Variants in PYY observed in about 807,000 individuals in gnomAD.
PYY encodes the protein peptide tyrosine tyrosine.
Under a neutral mutation model 10.3 loss-of-function variants are expected in PYY, and 12 were observed. The observed-to-expected ratio is 1.17, with a 90% CI of 0.75 to 1.89. The LOEUF (loss-of-function observed/expected upper bound fraction) is 1.89, where lower values mean the gene tolerates loss of function less well. PYY is among the 40% of genes most tolerant of loss of function. The probability of loss-of-function intolerance (pLI) is 0.00; values close to 1 mark genes in which losing one functional copy is unlikely to be tolerated. For missense variants in PYY, 141 were observed against 134.0 expected (o/e 1.05, Z -0.26); for synonymous variants, 66 against 62.0 (o/e 1.06, Z -0.30).
In PYY at chr17:43,992,576, G is replaced by A. The variant is rs144023529; in HGVS notation, c.-463+11815C>T. Among the ~76,000 whole-genome samples the A allele has an allele frequency of 1.3e-3, 193 of 152,130 alleles. 2 individuals are homozygous for A. Among genetic ancestry groups the A allele is most frequent in the Non-Finnish European group, 1.8e-3 (122 of 68,000 alleles). On this transcript the variant is annotated intron_variant, in intron 1 of 6. Coordinates refer to the PYY transcript ENST00000360085. ...TACAAAATTAGCCGGGTGTGGTGGT[G>A]CATGCCTGTAATTCCAGCTACTCGG...
At chr17:43,961,989 C>T (rs9892006) in intron 2 of PYY, among the ~76,000 whole-genome samples, 2,037 of 152,242 alleles carry the variant, frequency 0.013, 45 homozygotes, top group African/African-American at 0.047. Flanking sequence ...CCCTACCTCA[C>T]GCATCTTTTC....
intron 2 of PYY, among the ~76,000 whole-genome samples, chr17:43,964,618 C>T (rs1260848528): frequency 6.6e-6 from 1 of 152,130 alleles, no homozygotes; most frequent in Admixed American, 6.5e-5. Flanking sequence ...GGCATGGTGG[C>T]GCATGCCTGT....
At chr17:43,981,880 CT>C (rs74775150) in intron 1 of PYY, among the ~76,000 whole-genome samples, 19,281 of 152,126 alleles carry the variant, frequency 0.13, 2,245 homozygotes, top group East Asian at 0.61. Flanking sequence ...TCCACCTTTT[CT>C]TTTTAATTTG....
At chr17:43,969,286 C>T (rs924393241) in intron 1 of PYY, among the ~76,000 whole-genome samples, 8 of 151,810 alleles carry the variant, frequency 5.3e-5, no homozygotes, top group African/African-American at 1.2e-4. Flanking sequence ...GAGGCCGAGG[C>T]GGGTGGATCA....
chr17:43,986,530 G>A (rs1240418214), intron 1 of PYY, among the ~76,000 whole-genome samples: 6 of 152,158 alleles, frequency 3.9e-5, no homozygotes, highest in African/African-American at 7.2e-5. Context: ...CACCAGACAA[G>A]CCTGAACTGA....
chr17:43,956,418 A>ACCCC (rs3080280), upstream of PYY, among the ~76,000 whole-genome samples: 7 of 150,278 alleles, frequency 4.7e-5, no homozygotes, highest in African/African-American at 1.7e-4. Flanking sequence ...GGGCTCAGCC[A>ACCCC]CCCCCCGATC....
At chr17:43,997,396 C>T (rs2048998512) in intron 1 of PYY, among the ~76,000 whole-genome samples, 1 of 152,002 alleles carries the variant, frequency 6.6e-6, no homozygotes, top group Non-Finnish European at 1.5e-5. Flanking sequence ...TGGAGGTTAC[C>T]ATGGGGATAC....
intron 1 of PYY, among the ~76,000 whole-genome samples, chr17:43,969,837 G>T (rs1191105279): frequency 1.3e-5 from 2 of 151,294 alleles, no homozygotes; most frequent in Non-Finnish European, 2.9e-5. Flanking sequence ...TCTGCCTCCT[G>T]GGTTCAAGCA....
upstream of PYY, among the ~76,000 whole-genome samples, chr17:43,954,259 G>C (rs2048657733): frequency 6.6e-6 from 1 of 152,206 alleles, no homozygotes. Flanking sequence ...GCAGCCCCTA[G>C]GACCAGGGTT....
At chr17:43,999,788 G>T (rs1463128813) in intron 1 of PYY, among the ~76,000 whole-genome samples, 1 of 149,872 alleles carries the variant, frequency 6.7e-6, no homozygotes, top group Non-Finnish European at 1.5e-5. Context: ...AAAAAGAAAA[G>T]AAGTTTTGTT....
At chr17:43,971,955 T>C (rs2048796685) in intron 1 of PYY, among the ~76,000 whole-genome samples, 1 of 151,930 alleles carries the variant, frequency 6.6e-6, no homozygotes, top group African/African-American at 2.4e-5. Flanking sequence ...ATGAAGATTT[T>C]CCCCTACTTT....
At position 43,953,126 on chromosome 17, in the gene PYY, G is replaced by C; in HGVS notation, c.252C>G (p.Asp84Glu). Residue 84 changes from aspartate to glutamate, a missense_variant, in exon 3 of 4, where the codon GAC (aspartate) becomes GAG (glutamate). Asp to Glu is a conservative substitution (Grantham distance 45). Transcript: ENST00000692052. ...LSKTFFPDGEDRPVRSRSEGP... is the reference protein window; with the variant it reads ...LSKTFFPDGEERPVRSRSEGP... Reference sequence around the variant, plus strand: ...GCTTTTACCGCGACCTGACGGGGCGGTCCTCGCCGTCGGGGAAGAACGTTT... The same window carrying C: ...GCTTTTACCGCGACCTGACGGGGCGCTCCTCGCCGTCGGGGAAGAACGTTT... 1.2e-6 allele frequency: 2 copies of C among 1,613,986 alleles called. No homozygotes were observed. The highest frequency in any genetic ancestry group is 2.2e-5 in the South Asian group (2 of 91,072).
chr17:43,957,803 A>G (rs1442432088), upstream of PYY: 1 of 154,136 alleles, frequency 6.5e-6, no homozygotes, highest in Non-Finnish European at 1.5e-5. Flanking sequence ...ACTTGAGCCC[A>G]GGAAGGAAGT....
At chr17:43,955,249 C>T (rs998665960), upstream of PYY, among the ~76,000 whole-genome samples, 2 of 152,214 alleles carry the variant, frequency 1.3e-5, no homozygotes, top group Non-Finnish European at 2.9e-5. Context: ...TTCCAGCTTC[C>T]TCTCCCTGGC....
At chr17:43,969,041 G>A (rs182150034) in intron 1 of PYY, among the ~76,000 whole-genome samples, 1 of 152,264 alleles carries the variant, frequency 6.6e-6, no homozygotes, top group African/African-American at 2.4e-5. Context: ...CTGGGAGGCA[G>A]AGGCTGCAGT....
At chr17:43,979,107 T>C (rs2048867117) in intron 1 of PYY, among the ~76,000 whole-genome samples, 1 of 152,172 alleles carries the variant, frequency 6.6e-6, no homozygotes, top group African/African-American at 2.4e-5. Flanking sequence ...TCTAGGCTTT[T>C]TACACGAGGG....
chr17:43,960,021 C>T (rs1264863739), intron 2 of PYY, among the ~76,000 whole-genome samples: 1 of 152,224 alleles, frequency 6.6e-6, no homozygotes, highest in East Asian at 1.9e-4. Context: ...CATGTGTGTG[C>T]TCCTAGGTTA....
rs916286809 is a variant in PYY at position 43,987,754 on chromosome 17, A to G, written c.-463+16637T>C. Among the ~76,000 whole-genome samples, 4 of 152,254 alleles carry G rather than the reference A, an allele frequency of 2.6e-5. No homozygotes were observed. Among genetic ancestry groups the G allele is most frequent in the African/African-American group, 9.6e-5 (4 of 41,458 alleles). On this transcript the variant is annotated intron_variant, in intron 1 of 6. Transcript: ENST00000360085. This position sits in a 1 kb window ranked among gnomAD's most constrained non-coding sequence, Gnocchi z 4.0. ...CAGTGCCTGTTGTTCTGAGCAAAAC[A>G]GACATGGCATGTGCCCTCTAAGAGC...
chr17:43,996,315 C>G (rs1370813949), intron 1 of PYY, among the ~76,000 whole-genome samples: 2 of 152,112 alleles, frequency 1.3e-5, no homozygotes, highest in Non-Finnish European at 2.9e-5. Flanking sequence ...TGGACCCAGG[C>G]CCCACCCTTG....
Sources: gnomAD v4.1 joint callset for allele counts (sites outside exome capture counted in the v4.1 genomes callset) on GRCh38, gnomAD v4.1.1 for gene constraint, Gnocchi (gnomAD v3.1) non-coding constraint, MANE v1.5 for transcripts, NCBI Gene and HGNC (gene_info 2026-07-23, HGNC 2026-07-21) for gene names.